Variants in PCGF2 observed in about 807,000 individuals in gnomAD.
PCGF2 encodes the protein polycomb group ring finger 2, also known as polycomb group RING finger protein 2.
PCGF2 carries 8 observed loss-of-function variants against 36.1 expected under a neutral mutation model. The ratio of observed to expected loss-of-function variants is 0.22; its 90% CI spans 0.13 to 0.40. PCGF2 has a LOEUF of 0.40. Ranked by LOEUF, PCGF2 falls within the 10% of genes least tolerant of loss-of-function variation. The pLI is 1.00. For missense variants in PCGF2, 436 were observed against 475.9 expected (o/e 0.92, Z 0.78); for synonymous variants, 198 against 191.2 (o/e 1.04, Z -0.29).
At chr17:38,748,458 C>T (rs1331754113), upstream of PCGF2, 1 of 151,798 alleles carries the variant, frequency 6.6e-6, no homozygotes, top group Non-Finnish European at 1.5e-5. Flanking sequence ...GCCCACCACT[C>T]ACCCACGTGA....
At chr17:38,738,252 C>G in intron 9 of PCGF2, 101 bp downstream of exon 9, 2 of 1,001,518 alleles carry the variant, frequency 2.0e-6, no homozygotes, top group East Asian at 5.2e-5. Context: ...CGCGCAAGCC[C>G]TGGGTGACAC....
At chr17:38,736,586 G>A (rs1423959498) in intron 9 of PCGF2, among the ~76,000 whole-genome samples, 1 of 152,192 alleles carries the variant, frequency 6.6e-6, no homozygotes, top group East Asian at 1.9e-4. Flanking sequence ...TGTAATCCCA[G>A]CACTTTGGGA....
At chr17:38,741,220 G>A (rs1200406484) in intron 2 of PCGF2, among the ~76,000 whole-genome samples, 4 of 151,516 alleles carry the variant, frequency 2.6e-5, no homozygotes, top group Non-Finnish European at 4.4e-5. Context: ...ACAGTGAGCC[G>A]TGATTATGCC....
intron 2 of PCGF2, among the ~76,000 whole-genome samples, chr17:38,745,986 G>A (rs948167245): frequency 6.6e-6 from 1 of 152,074 alleles, no homozygotes. Flanking sequence ...CAGCTTCGTG[G>A]GTCCAACTGC....
chr17:38,749,460 G>C, upstream of PCGF2: 1 of 360,842 alleles, frequency 2.8e-6, no homozygotes. The surrounding 1 kb of genome is among the most constrained non-coding windows in gnomAD (Gnocchi z 6.5). Context: ...CCGACGCCGG[G>C]GAAGCGAATC....
In PCGF2 at chr17:38,738,853, C is replaced by T. The variant is rs777012498; in HGVS notation, c.325G>A (p.Gly109Ser). Residue 109 changes from glycine (G) to serine (S), a missense_variant, in exon 7 of 11, where the codon GGC becomes AGC. By Grantham distance (56) the Gly-to-Ser change is moderately conservative. Coordinates refer to ENST00000620225, the MANE Select transcript of PCGF2 (RefSeq NM_007144.3). ...AAYPLTEVPN[G>S]SNEDRGEVLE... ...ACCTCGCCGCGGTCCTCATTGGAGC[C>T]GTTGGGGACTGCAGAAGGAAAGAGC... is the stretch of plus-strand genomic sequence containing the variant. The T allele has an allele frequency of 1.6e-5, 26 of 1,613,286 alleles. No homozygotes were observed. Among genetic ancestry groups the T allele is most frequent in the Non-Finnish European group, 2.0e-5 (24 of 1,179,522 alleles).
At chr17:38,743,988 G>A (rs1279993199) in intron 2 of PCGF2, among the ~76,000 whole-genome samples, 1 of 152,140 alleles carries the variant, frequency 6.6e-6, no homozygotes, top group African/African-American at 2.4e-5. Context: ...AGAAAGGGGA[G>A]GCCAAGCACC....
At position 38,739,447 on chromosome 17, in the gene PCGF2, G is replaced by A. The variant is rs1378157620; in HGVS notation, c.209+139C>T. ...TGTGATGAGCCAAATGTAACCCCAA[G>A]GTCGGGGAGTAGCCCAGGTCCACAC... On this transcript the variant is annotated intron_variant, in intron 4 of 10. Coordinates refer to ENST00000620225, the MANE Select transcript of PCGF2 (RefSeq NM_007144.3). This position sits in a 1 kb window ranked among gnomAD's most constrained non-coding sequence, Gnocchi z 4.0. 3 of 879,834 alleles carry A rather than the reference G, an allele frequency of 3.4e-6. No homozygotes were observed. The African/African-American group carries it at 4.9e-5, about 14-fold the overall frequency. The allele number at this position is 879,834 out of a possible 1,614,324, so 54.5% of individuals were successfully genotyped here. A position where few individuals can be genotyped will look rare whatever the true frequency, so the allele number is the denominator to read the frequency against.
chr17:38,740,628 G>A (rs1332700293), intron 2 of PCGF2, among the ~76,000 whole-genome samples, 186 bp from the exon 3 acceptor site: 9 of 152,170 alleles, frequency 5.9e-5, no homozygotes, highest in East Asian at 3.9e-4. Context: ...GCATGGTGGT[G>A]GGCACCTGTA....
At position 38,735,531 on chromosome 17, in the gene PCGF2, T is replaced by A. The variant is rs1401012738; in HGVS notation, c.727A>T (p.Thr243Ser). ...CKRLTLATVP[T>S]PSEGTNTSGA... ...CTGGTGTTGGTGCCCTCGGAGGGGG[T>A]GGGCACCGTGGCTAGGGTGAGCCGC... The change falls in exon 11 of 11, where the codon ACC (threonine) becomes TCC (serine). Residue 243 changes from threonine (T) to serine (S), a missense_variant. Transcript: ENST00000620225. 1.3e-6 allele frequency: 2 copies of A among 1,584,216 alleles called. No homozygotes were observed. The highest frequency in any genetic ancestry group is 1.1e-5 in the South Asian group (1 of 87,014).
rs1906592410 is a variant in PCGF2, at chr17:38,735,244, A to C, written c.1014T>G (p.Ala338=). Residue 338 remains alanine (A), a synonymous_variant, in exon 11 of 11, where the codon GCT becomes GCG. Transcript: ENST00000620225. ...SRGRKMTVNG[A]PVPPLT is the part of the protein sequence containing the mutation. ...GGCCTCAAGTTAAGGGGGGCACGGG[A>C]GCGCCGTTGACAGTCATCTTGCGCC... 1 of 1,445,560 alleles carries C rather than the reference A, an allele frequency of 6.9e-7. No individual in the cohort carries two copies. The highest frequency in any genetic ancestry group is 1.4e-5 in the African/African-American group (1 of 70,524). 89.5% of individuals were successfully genotyped at this position (1,445,560 alleles called of 1,614,324 possible). A position where few individuals can be genotyped will look rare whatever the true frequency, so the allele number is the denominator to read the frequency against.
Position 38,739,045 on chromosome 17 carries a change from CAA to C in PCGF2, c.316+21_316+22del. ...GGTCCCAGGCAAGACTGTGCACACA[CAA>C]ACAGACGCGAGCACACTCACCCTCC... On this transcript the variant is annotated intron_variant, in intron 6 of 10. Transcript: ENST00000620225. The surrounding 1 kb of genome is among the most constrained non-coding windows in gnomAD (Gnocchi z 4.0). 1.2e-6 allele frequency: 2 copies of C among 1,611,962 alleles called. No homozygotes were observed. Among genetic ancestry groups the C allele is most frequent in the Non-Finnish European group, 1.7e-6 (2 of 1,179,590 alleles).
chr17:38,744,549 T>C (rs952941857), intron 2 of PCGF2, among the ~76,000 whole-genome samples: 1 of 152,028 alleles, frequency 6.6e-6, no homozygotes, highest in Admixed American at 6.6e-5. Flanking sequence ...AGAGACAGGG[T>C]TTCACCATGT....
At chr17:38,748,556 G>C (rs1413187578), upstream of PCGF2, among the ~76,000 whole-genome samples, 1 of 152,162 alleles carries the variant, frequency 6.6e-6, no homozygotes, top group Admixed American at 6.5e-5. Flanking sequence ...CGGGTCCCTA[G>C]CCAGGACGAG....
chr17:38,747,462 C>A (rs910552128), intron 2 of PCGF2, among the ~76,000 whole-genome samples: 2 of 152,210 alleles, frequency 1.3e-5, no homozygotes, highest in Non-Finnish European at 2.9e-5. Context: ...ATCAGGGACC[C>A]CAGTTACCGG....
At chr17:38,745,247 G>A (rs991491548) in intron 2 of PCGF2, among the ~76,000 whole-genome samples, 2 of 152,158 alleles carry the variant, frequency 1.3e-5, no homozygotes, top group African/African-American at 2.4e-5. Context: ...CAGGAGAATC[G>A]CTTGAATCCA....
At position 38,735,142 on chromosome 17, in the gene PCGF2, T is replaced by C; in HGVS notation, c.*81A>G. 9.0e-7 allele frequency: 1 copy of C among 1,115,444 alleles called. No homozygotes were observed. The highest frequency in any genetic ancestry group is 1.2e-6 in the Non-Finnish European group (1 of 848,970). 69.1% of individuals were successfully genotyped at this position (1,115,444 alleles called of 1,614,324 possible). A position where few individuals can be genotyped will look rare whatever the true frequency, so the allele number is the denominator to read the frequency against. ...CCAAGGTGGGAAGAGCTGGGGAAAG[T>C]AGAAGAGGTGGAAAAAAGGGCCCAG... On this transcript the variant is annotated 3_prime_UTR_variant, in exon 11 of 11. Transcript: ENST00000620225.
chr17:38,738,122 A>G (rs1167395397), intron 9 of PCGF2, among the ~76,000 whole-genome samples: 1 of 152,188 alleles, frequency 6.6e-6, no homozygotes, highest in Non-Finnish European at 1.5e-5. Context: ...CGAGTGTGCA[A>G]CATGCACACA....
At chr17:38,738,201 G>T (rs1906910745) in intron 9 of PCGF2, 152 bp downstream of exon 9, 1 of 670,588 alleles carries the variant, frequency 1.5e-6, no homozygotes, top group Non-Finnish European at 2.7e-6. Context: ...CCCCAATCTT[G>T]GTTTCAACCA....
Sources: gnomAD v4.1 joint callset for allele counts (sites outside exome capture counted in the v4.1 genomes callset) on GRCh38, gnomAD v4.1.1 for gene constraint, Gnocchi (gnomAD v3.1) non-coding constraint, MANE v1.5 for transcripts, NCBI Gene and HGNC (gene_info 2026-07-23, HGNC 2026-07-21) for gene names.